The following RUFY2 variants were observed in gnomAD, a reference collection of about 807,000 sequenced individuals.
RUFY2 encodes RUN and FYVE domain-containing protein 2.
In RUFY2, 49 loss-of-function variants were observed where a neutral mutation model predicts 94.4. The ratio of observed to expected loss-of-function variants is 0.52; its 90% CI spans 0.41 to 0.66. The LOEUF (loss-of-function observed/expected upper bound fraction) is 0.66, where lower values mean the gene tolerates loss of function less well. Among genes scored for constraint, RUFY2 ranks in the 30% least tolerant of loss-of-function variants. The pLI, the probability that RUFY2 is intolerant of heterozygous loss-of-function variation, is 0.00. For synonymous variants in RUFY2, 255 were observed against 235.7 expected, an observed-to-expected ratio of 1.08 and a Z score of -0.75; for missense variants, 541 against 692.8, an observed-to-expected ratio of 0.78 and a Z score of 2.46.
At chr10:68,358,036 A>C (rs1160494884) in intron 15 of RUFY2, among the ~76,000 whole-genome samples, 1 of 151,986 alleles carries the variant, frequency 6.6e-6, no homozygotes, top group Non-Finnish European at 1.5e-5. Context: ...AAAAATACAA[A>C]AATTAGCCAG....
chr10:68,363,841 T>C, intron 14 of RUFY2, 143 bp downstream of exon 14: 1 of 834,254 alleles, frequency 1.2e-6, no homozygotes, highest in Non-Finnish European at 1.8e-6. Flanking sequence ...ATCAACTATT[T>C]TCCATTTACT....
intron 16 of RUFY2, among the ~76,000 whole-genome samples, chr10:68,352,703 G>A (rs1241626853): frequency 1.3e-5 from 2 of 152,042 alleles, no homozygotes; most frequent in Non-Finnish European, 2.9e-5. Flanking sequence ...GGCCAAGGTG[G>A]GCAGATCACA....
chr10:68,395,893 C>T (rs2050356426), intron 4 of RUFY2, among the ~76,000 whole-genome samples: 1 of 152,200 alleles, frequency 6.6e-6, no homozygotes, highest in South Asian at 2.1e-4. Context: ...ATCAGAGAGG[C>T]ACTCTAACAG....
chr10:68,346,178 T>TA, intron 16 of RUFY2, 94 bp from the exon 17 acceptor site: 3 of 859,552 alleles, frequency 3.5e-6, no homozygotes, highest in Non-Finnish European at 5.4e-6. Flanking sequence ...TAGGAATAGA[T>TA]ATATGAAGAA....
chr10:68,375,819 C>T (rs886592728), intron 13 of RUFY2, among the ~76,000 whole-genome samples: 5 of 151,616 alleles, frequency 3.3e-5, no homozygotes, highest in African/African-American at 1.2e-4. Flanking sequence ...AAAAGTTCGC[C>T]AGGCACAGTG....
chr10:68,400,655 A>G (rs541355920), intron 3 of RUFY2, among the ~76,000 whole-genome samples: 2 of 149,486 alleles, frequency 1.3e-5, no homozygotes, highest in East Asian at 2.0e-4. Context: ...CAGCCTGGGC[A>G]ACACAGCAAG....
At chr10:68,405,790 C>G in intron 1 of RUFY2, 1 of 812,354 alleles carries the variant, frequency 1.2e-6, no homozygotes, top group Non-Finnish European at 1.5e-6. Flanking sequence ...AAAATAAAAG[C>G]AGAGACCAGT....
In RUFY2 at chr10:68,388,324, G is replaced by A. The variant is rs530586973; in HGVS notation, c.651-2196C>T. The stretch of plus-strand genomic sequence containing the variant: ...CTAAAAATACAAAAATTAGCCCAGC[G>A]TGGTGTTACGTGTCTGTAATCCCAG... On this transcript the variant is annotated intron_variant, in intron 7 of 17. Transcript: ENST00000602465. 3.5e-3 allele frequency among the ~76,000 whole-genome samples: 536 copies of A among 151,964 alleles called. 4 individuals are homozygous for A. The highest frequency in any genetic ancestry group is 0.012 in the African/African-American group (515 of 41,474).
chr10:68,347,129 A>C (rs1286621705), intron 16 of RUFY2, among the ~76,000 whole-genome samples: 1 of 152,034 alleles, frequency 6.6e-6, no homozygotes, highest in Admixed American at 6.6e-5. Flanking sequence ...CTGTCTCAAG[A>C]AAAAGAGGGG....
intron 13 of RUFY2, among the ~76,000 whole-genome samples, chr10:68,372,379 G>A (rs751050162): frequency 2.6e-5 from 4 of 152,012 alleles, no homozygotes; most frequent in African/African-American, 7.2e-5. Context: ...CAGCCTGGGC[G>A]ACAGAGGAAC....
chr10:68,367,712 A>C (rs113972238), intron 13 of RUFY2, among the ~76,000 whole-genome samples: 4,418 of 75,228 alleles, frequency 0.059, no homozygotes, highest in Middle Eastern at 0.073. Context: ...TTCTTTCTCT[A>C]TCTCTCTCCC....
rs73274751 is a variant in RUFY2, at chr10:68,365,633, G to A, written c.1326-1520C>T. Among the ~76,000 whole-genome samples the A allele has an allele frequency of 3.5e-3, 539 of 152,284 alleles. 2 individuals carry two copies. Among genetic ancestry groups the A allele is most frequent in the African/African-American group, 0.012 (507 of 41,568 alleles). On this transcript the variant is annotated intron_variant, in intron 13 of 17. Transcript: ENST00000602465. ...TTTCTTAAATGTATGCATAACTCAC[G>A]TTTATTTCAATATTTAATATTAGAA...
At chr10:68,379,317 G>A in intron 12 of RUFY2, 107 bp downstream of exon 12, 4 of 834,694 alleles carry the variant, frequency 4.8e-6, no homozygotes, top group South Asian at 1.9e-5. Context: ...CAAAAAACAT[G>A]TCCTAATCTA....
intron 3 of RUFY2, among the ~76,000 whole-genome samples, chr10:68,397,395 G>A (rs920807618): frequency 1.3e-5 from 2 of 151,966 alleles, no homozygotes; most frequent in African/African-American, 4.8e-5. Context: ...ATCATTTAAT[G>A]AAATGTTATG....
At chr10:68,375,618 C>CA (rs1245013938) in intron 13 of RUFY2, among the ~76,000 whole-genome samples, 3 of 151,140 alleles carry the variant, frequency 2.0e-5, no homozygotes, top group African/African-American at 4.9e-5. Flanking sequence ...ACTAAAAATA[C>CA]AAAAAAAATT....
chr10:68,367,967 CTTTT>C (rs748208331), intron 13 of RUFY2, among the ~76,000 whole-genome samples: 2 of 138,990 alleles, frequency 1.4e-5, no homozygotes, highest in Admixed American at 7.3e-5. Context: ...TGTGGGTTGT[CTTTT>C]TTTTTTTTTT....
At chr10:68,400,565 A>G (rs2050748927) in intron 3 of RUFY2, among the ~76,000 whole-genome samples, 1 of 151,612 alleles carries the variant, frequency 6.6e-6, no homozygotes, top group Non-Finnish European at 1.5e-5. Context: ...AATCCCAGCT[A>G]CTCGGGAGGC....
chr10:68,358,130 A>G (rs1424112038), intron 15 of RUFY2, among the ~76,000 whole-genome samples: 1 of 152,134 alleles, frequency 6.6e-6, no homozygotes, highest in Admixed American at 6.6e-5. Context: ...ATAGGTTGCA[A>G]TGAGCCAAGA....
intron 13 of RUFY2, among the ~76,000 whole-genome samples, chr10:68,366,764 T>TATATATATATATA (rs1564801490): frequency 8.1e-6 from 1 of 123,432 alleles, no homozygotes; most frequent in Non-Finnish European, 1.7e-5. Flanking sequence ...ATATATAATA[T>TATATATATATATA]TAAATATATT....
Sources: allele counts gnomAD v4.1 joint callset (sites outside exome capture counted in the v4.1 genomes callset), GRCh38; gene constraint gnomAD v4.1.1; transcripts MANE v1.5; gene names NCBI Gene and HGNC (gene_info 2026-07-23, HGNC 2026-07-21).